The following ASB15 variants were observed in gnomAD, a reference collection of about 807,000 sequenced individuals.
ASB15 encodes the protein ankyrin repeat and SOCS box containing 15, also known as ankyrin repeat and SOCS box protein 15.
A neutral mutation model predicts 58.0 loss-of-function variants in ASB15; 54 were observed. The ratio of observed to expected loss-of-function variants is 0.93; its 90% CI spans 0.75 to 1.17. The LOEUF (loss-of-function observed/expected upper bound fraction) is 1.17. ASB15 is among the 50% of genes most tolerant of loss of function. The pLI, the probability that ASB15 is intolerant of heterozygous loss-of-function variation, is 0.00. For synonymous variants in ASB15, 249 were observed against 262.4 expected (o/e 0.95, Z 0.50); for missense variants, 680 against 707.4 (o/e 0.96, Z 0.44).
At chr7:123,572,081 C>T (rs764887455) in intron 1 of ASB15, among the ~76,000 whole-genome samples, 23 of 149,272 alleles carry the variant, frequency 1.5e-4, no homozygotes, top group Non-Finnish European at 3.0e-4. Context: ...AGCCAGTGTG[C>T]CAGACCAGTT....
intron 1 of ASB15, among the ~76,000 whole-genome samples, chr7:123,594,922 T>C (rs981677428): frequency 2.0e-5 from 3 of 152,206 alleles, no homozygotes; most frequent in African/African-American, 7.2e-5. Flanking sequence ...TAGGCCTTGC[T>C]GAGCAGCCGT....
At chr7:123,629,848 C>A in intron 10 of ASB15, 118 bp from the exon 11 acceptor site, 1 of 787,520 alleles carries the variant, frequency 1.3e-6, no homozygotes, top group East Asian at 2.7e-5. Flanking sequence ...TTGTTCATTA[C>A]AAGGAGAGAT....
chr7:123,624,851 C>T (rs1032444704), intron 8 of ASB15, 37 bp downstream of exon 8: 1 of 1,586,094 alleles, frequency 6.3e-7, no homozygotes, highest in African/African-American at 1.3e-5. Flanking sequence ...GACTTTTGTC[C>T]TGCCTCTCGA....
chr7:123,608,891 T>A (rs528601576), intron 3 of ASB15: 10 of 151,490 alleles, frequency 6.6e-5, no homozygotes, highest in Admixed American at 5.3e-4. Flanking sequence ...TTTAAAAGTA[T>A]GCATACAAAT....
intron 3 of ASB15, among the ~76,000 whole-genome samples, chr7:123,612,603 T>C (rs1416529682): frequency 6.6e-6 from 1 of 151,968 alleles, no homozygotes; most frequent in Non-Finnish European, 1.5e-5. Flanking sequence ...CTGGAGGGCC[T>C]CGTGAATAAA....
In ASB15 at chr7:123,616,474, A is replaced by G; in HGVS notation, c.271A>G (p.Ile91Val). 1 of 1,612,886 alleles carries G rather than the reference A, an allele frequency of 6.2e-7. No homozygotes were observed. Among genetic ancestry groups the G allele is most frequent in the Non-Finnish European group, 8.5e-7 (1 of 1,179,234 alleles). ...AGCTGTTGTTCAACCCATTCAACAA[A>G]TACTTGAGATTGTTCTGGATGGTAA... ...HEAVVQPIQQ[I>V]LEIVLDASYK... is the part of the protein sequence containing the mutation. Residue 91 changes from isoleucine to valine, a missense_variant, in exon 6 of 12, where the codon ATA (isoleucine) becomes GTA (valine). Coordinates refer to ENST00000451215, the MANE Select transcript of ASB15 (RefSeq NM_001290258.2).
intron 3 of ASB15, among the ~76,000 whole-genome samples, chr7:123,610,412 C>A (rs568078163): frequency 5.9e-5 from 9 of 152,272 alleles, no homozygotes; most frequent in African/African-American, 2.2e-4. Flanking sequence ...CCAAATGTAT[C>A]AAAAAATTTA....
intron 1 of ASB15, among the ~76,000 whole-genome samples, chr7:123,580,076 A>C (rs1021788417): frequency 4.6e-4 from 70 of 152,126 alleles, no homozygotes; most frequent in African/African-American, 1.5e-3. Context: ...TGGCGGGATT[A>C]GAAAAATTCA....
At chr7:123,623,932 AAAGAAAGAAAGAAAGAAAG>A (rs1801547192) in intron 7 of ASB15, among the ~76,000 whole-genome samples, 2 of 18,310 alleles carry the variant, frequency 1.1e-4, no homozygotes, top group Non-Finnish European at 1.8e-4. Flanking sequence ...GAAAGAAAGA[AAAGAAAGAAAGAAAGAAAG>A]AAAGAAAGAA....
rs77987257 is a variant in ASB15 at position 123,586,493 on chromosome 7, T to G, written c.-442-17539T>G. ...TTGGATATATGTTTTGTAAATATTT[T>G]CTCCCTTGGTTGCATTTTCTTTCGT... On this transcript the variant is annotated intron_variant, in intron 1 of 13. Transcript: ENST00000451558. Among the ~76,000 whole-genome samples, 927 of 151,950 alleles carry G rather than the reference T, an allele frequency of 6.1e-3. 13 individuals carry two copies. The highest frequency in any genetic ancestry group is 0.021 in the African/African-American group (852 of 41,528).
intron 7 of ASB15, 98 bp from the exon 8 acceptor site, chr7:123,624,471 T>C: frequency 2.5e-6 from 3 of 1,180,958 alleles, no homozygotes; most frequent in Non-Finnish European, 3.6e-6. Context: ...AGTTACTAGC[T>C]AGTATCTATT....
Position 123,576,280 on chromosome 7 carries a change from T to A in ASB15, c.-443+9192T>A, listed in dbSNP as rs368025817. On this transcript the variant is annotated intron_variant, in intron 1 of 13. Coordinates refer to the ASB15 transcript ENST00000451558. ...GATCTTCCTCTATTTTATTTGCATC[T>A]CTTTATTGAGTTTTTGCATTTGTAC... 1.7e-4 allele frequency among the ~76,000 whole-genome samples: 26 copies of A among 152,136 alleles called. No individual in the cohort carries two copies. The East Asian group carries it at 4.1e-3, about 24-fold the overall frequency.
At chr7:123,595,781 A>G (rs1584746637) in intron 1 of ASB15, among the ~76,000 whole-genome samples, 1 of 152,188 alleles carries the variant, frequency 6.6e-6, no homozygotes, top group East Asian at 1.9e-4. Flanking sequence ...CCAATTCACT[A>G]TCATTTCCCA....
rs1267868648 is a variant in ASB15 at position 123,617,571 on chromosome 7, T to C, written c.293-8T>C. ...TCAACTTTTCAACATAATGCTTTCA[T>C]GTCACAGCATCCTATAAGACACTCT... On this transcript the variant is annotated splice_region_variant and splice_polypyrimidine_tract_variant and intron_variant, in intron 6 of 11. Transcript: ENST00000451215. 8 of 1,600,478 alleles carry C rather than the reference T, an allele frequency of 5.0e-6. No individual in the cohort carries two copies. The highest frequency in any genetic ancestry group is 6.8e-6 in the Non-Finnish European group (8 of 1,169,982).
intron 2 of ASB15, among the ~76,000 whole-genome samples, chr7:123,604,451 G>T (rs1800038812): frequency 6.6e-6 from 1 of 151,838 alleles, no homozygotes; most frequent in Non-Finnish European, 1.5e-5. Context: ...GCATAGTGGT[G>T]GGCTCCTGTA....
At chr7:123,606,204 C>T (rs916324427) in intron 2 of ASB15, among the ~76,000 whole-genome samples, 10 of 152,144 alleles carry the variant, frequency 6.6e-5, no homozygotes, top group Admixed American at 2.0e-4. Flanking sequence ...TTCATGCAGA[C>T]AGACACAATA....
chr7:123,593,744 A>G (rs1027126760), intron 1 of ASB15, among the ~76,000 whole-genome samples: 11 of 151,842 alleles, frequency 7.2e-5, no homozygotes, highest in African/African-American at 2.4e-4. Flanking sequence ...GTGAATCTGA[A>G]CACTTATGTG....
chr7:123,629,949 T>G lies in ASB15; in HGVS notation c.1441-17T>G. 1 of 1,533,618 alleles carries G rather than the reference T, an allele frequency of 6.5e-7. No homozygotes were observed. The highest frequency in any genetic ancestry group is 1.8e-4 in the Middle Eastern group (1 of 5,674). ...TATTAAAAATACTACTAAATTAAAT[T>G]TTATCAATTCTCTCAGTTCTGTGAG... On this transcript the variant is annotated splice_polypyrimidine_tract_variant and intron_variant, in intron 10 of 11. Transcript: ENST00000451215.
Position 123,633,952 on chromosome 7 carries a change from T to C in ASB15, c.1595-2857T>C, listed in dbSNP as rs73718445. Among the ~76,000 whole-genome samples, 1,115 of 152,272 alleles carry C rather than the reference T, an allele frequency of 7.3e-3. 19 individuals are homozygous for C. Among genetic ancestry groups the C allele is most frequent in the African/African-American group, 0.026 (1,067 of 41,560 alleles). On this transcript the variant is annotated intron_variant, in intron 11 of 11. Coordinates refer to ENST00000451215, the MANE Select transcript of ASB15 (RefSeq NM_001290258.2). ...CTCCAACTGGCCAAAGATGGGACAA[T>C]TTAAGTTTCAAAAAGGGTAATGATT...
Sources: gnomAD v4.1 joint callset for allele counts (sites outside exome capture counted in the v4.1 genomes callset) on GRCh38, gnomAD v4.1.1 for gene constraint, MANE v1.5 for transcripts, NCBI Gene and HGNC (gene_info 2026-07-23, HGNC 2026-07-21) for gene names.